Variants in ERC1 observed in about 807,000 individuals in gnomAD.
The protein encoded by ERC1 is ELKS/RAB6-interacting/CAST family member 1.
A neutral mutation model predicts 132.0 loss-of-function variants in ERC1; 56 were observed. The observed-to-expected ratio is 0.42, with a 90% CI of 0.34 to 0.53. The LOEUF is 0.53. Ranked by LOEUF, ERC1 falls within the 20% of genes least tolerant of loss-of-function variation. The pLI is 0.03. For synonymous variants in ERC1, 478 were observed against 476.1 expected (o/e 1.00, Z -0.05); for missense variants, 1,202 against 1,349.9 (o/e 0.89, Z 1.72).
At chr12:1,219,597 G>C (rs1046315887) in intron 12 of ERC1, among the ~76,000 whole-genome samples, 1 of 149,522 alleles carries the variant, frequency 6.7e-6, no homozygotes, top group Non-Finnish European at 1.5e-5. Flanking sequence ...TATCACTTCT[G>C]TACTAGTCCC....
intron 2 of ERC1, among the ~76,000 whole-genome samples, chr12:1,037,646 TTTTC>T (rs1167662394): frequency 3.3e-5 from 5 of 152,218 alleles, no homozygotes; most frequent in Non-Finnish European, 5.9e-5. Context: ...ATTTTTCCTT[TTTTC>T]TTTCTTTGTT....
chr12:1,342,230 C>T (rs1284094901), intron 15 of ERC1, among the ~76,000 whole-genome samples: 5 of 151,570 alleles, frequency 3.3e-5, no homozygotes, highest in South Asian at 4.2e-4. Flanking sequence ...TTTGGGAGGC[C>T]GAGGCTGGTG....
chr12:1,413,470 T>G (rs1014575497), intron 17 of ERC1, among the ~76,000 whole-genome samples: 7 of 152,120 alleles, frequency 4.6e-5, no homozygotes, highest in Non-Finnish European at 1.0e-4. Context: ...GGCAGGCACC[T>G]GTAGTCCCAG....
chr12:1,359,195 G>A (rs1278737507), intron 15 of ERC1, among the ~76,000 whole-genome samples: 1 of 152,136 alleles, frequency 6.6e-6, no homozygotes, highest in Non-Finnish European at 1.5e-5. Flanking sequence ...AGTAATTGTA[G>A]CATGGTGAGG....
intron 8 of ERC1, among the ~76,000 whole-genome samples, chr12:1,148,835 C>G (rs1276930272): frequency 3.3e-5 from 5 of 152,160 alleles, no homozygotes; most frequent in African/African-American, 1.2e-4. Flanking sequence ...CTTCTGACCT[C>G]AGATGATCCT....
rs982180088 is a variant in ERC1 at position 1,190,938 on chromosome 12, C to G, written c.2351+886C>G. Reference sequence around the variant, plus strand: ...AAGGCTGAGAAGTATTAGAGTACTTCCATAAATTTTTTACTAAGTTTTAAA... The same window carrying G: ...AAGGCTGAGAAGTATTAGAGTACTTGCATAAATTTTTTACTAAGTTTTAAA... On this transcript the variant is annotated intron_variant, in intron 12 of 18. Transcript: ENST00000360905. Among the ~76,000 whole-genome samples the G allele has an allele frequency of 2.0e-5, 3 of 151,312 alleles. No homozygotes were observed. The South Asian group carries it at 6.2e-4, about 31-fold the overall frequency.
intron 18 of ERC1, among the ~76,000 whole-genome samples, chr12:1,462,617 T>C (rs943044602): frequency 3.9e-5 from 6 of 152,210 alleles, no homozygotes; most frequent in African/African-American, 1.2e-4. Flanking sequence ...TATATGACAT[T>C]CAGGAACAGA....
intron 7 of ERC1, among the ~76,000 whole-genome samples, chr12:1,139,654 C>T (rs1377522015): frequency 1.3e-5 from 2 of 151,234 alleles, no homozygotes; most frequent in African/African-American, 4.9e-5. Flanking sequence ...TGCAGGAAGG[C>T]CCAGAAAACT....
At chr12:1,257,958 G>A (rs760761621) in intron 13 of ERC1, among the ~76,000 whole-genome samples, 1 of 152,042 alleles carries the variant, frequency 6.6e-6, no homozygotes, top group Non-Finnish European at 1.5e-5. Flanking sequence ...TTGAAATTTA[G>A]GTGTGTTTAT....
At chr12:1,436,630 A>G (rs2092956635) in intron 17 of ERC1, among the ~76,000 whole-genome samples, 2 of 152,138 alleles carry the variant, frequency 1.3e-5, no homozygotes, top group South Asian at 2.1e-4. Context: ...TGATAATGCC[A>G]AAAGGTGGTG....
intron 2 of ERC1, among the ~76,000 whole-genome samples, chr12:1,058,239 C>T (rs1165428441): frequency 6.6e-6 from 1 of 152,042 alleles, no homozygotes; most frequent in Non-Finnish European, 1.5e-5. Context: ...CTTTTGAAAC[C>T]TTACCAAGAA....
chr12:1,442,072 C>T (rs536948904), intron 17 of ERC1, among the ~76,000 whole-genome samples: 3 of 152,152 alleles, frequency 2.0e-5, no homozygotes, highest in South Asian at 2.1e-4. Context: ...GGATTACAGG[C>T]GCACGCCACC....
intron 1 of ERC1, among the ~76,000 whole-genome samples, chr12:1,019,038 A>G (rs557873186): frequency 1.3e-5 from 2 of 152,290 alleles, no homozygotes; most frequent in South Asian, 2.1e-4. Context: ...TCACGTGGAG[A>G]AGGACAGTGG....
At chr12:1,068,253 C>CT (rs1158526717) in intron 2 of ERC1, among the ~76,000 whole-genome samples, 7 of 93,594 alleles carry the variant, frequency 7.5e-5, no homozygotes, top group Middle Eastern at 5.8e-3. Flanking sequence ...AATTAAGACT[C>CT]TAAGTTTTGG....
intron 2 of ERC1, 35 bp from the exon 3 acceptor site, chr12:1,083,129 C>T (rs971568701): frequency 7.7e-6 from 12 of 1,558,268 alleles, no homozygotes; most frequent in Non-Finnish European, 1.0e-5. Flanking sequence ...AGGAGGAAAG[C>T]TGATTTGGGG....
At chr12:1,310,432 C>T (rs1351875426) in intron 15 of ERC1, among the ~76,000 whole-genome samples, 4 of 152,130 alleles carry the variant, frequency 2.6e-5, no homozygotes, top group African/African-American at 9.7e-5. Context: ...TCGTCTCGAA[C>T]TCCTGACCTC....
chr12:1,066,383 AACTGCTTTAC>A (rs1593067553), intron 2 of ERC1, among the ~76,000 whole-genome samples: 1 of 152,222 alleles, frequency 6.6e-6, no homozygotes, highest in East Asian at 1.9e-4. Flanking sequence ...AATGGCTTTA[AACTGCTTTAC>A]ACCTTGTTTA....
chr12:1,404,610 T>C (rs939054617), intron 16 of ERC1, among the ~76,000 whole-genome samples: 1 of 152,232 alleles, frequency 6.6e-6, no homozygotes, highest in African/African-American at 2.4e-5. Flanking sequence ...CAAATCAAAG[T>C]ACAAACTTTG....
chr12:1,167,863 C>T lies in ERC1; in HGVS notation c.1738-12677C>T, dbSNP rs376005663. Among the ~76,000 whole-genome samples the T allele has an allele frequency of 1.1e-4, 17 of 151,928 alleles. No homozygotes were observed. The South Asian group carries it at 2.3e-3, about 20-fold the overall frequency. Reference sequence around the variant, plus strand: ...TCCTTAGTACTCGGGACTACAGGCGCGCGCCACCACACCCTGCTAATTTTT... The same window carrying T: ...TCCTTAGTACTCGGGACTACAGGCGTGCGCCACCACACCCTGCTAATTTTT... On this transcript the variant is annotated intron_variant, in intron 8 of 18. Coordinates refer to ENST00000360905, the MANE Select transcript of ERC1 (RefSeq NM_178040.4).
Sources: gnomAD v4.1 joint callset for allele counts (sites outside exome capture counted in the v4.1 genomes callset) on GRCh38, gnomAD v4.1.1 for gene constraint, MANE v1.5 for transcripts, NCBI Gene and HGNC (gene_info 2026-07-23, HGNC 2026-07-21) for gene names.